TASOR2: variants seen among roughly 807,000 people sequenced by gnomAD.
The protein encoded by TASOR2 is transcription activation suppressor family member 2.
Under a neutral mutation model 199.5 loss-of-function variants are expected in TASOR2, and 84 were observed. The ratio of observed to expected loss-of-function variants is 0.42; its 90% CI spans 0.35 to 0.50. The LOEUF (loss-of-function observed/expected upper bound fraction) is 0.50. TASOR2 is among the 20% of genes least tolerant of loss of function. The pLI, the probability that TASOR2 is intolerant of heterozygous loss-of-function variation, is 0.02. For missense variants in TASOR2, 2,796 were observed against 2,835.9 expected (o/e 0.99, Z 0.32); for synonymous variants, 1,103 against 1,046.6 (o/e 1.05, Z -1.04).
chr10:5,700,702 T>C (rs928574291), intron 1 of TASOR2, among the ~76,000 whole-genome samples: 14 of 152,194 alleles, frequency 9.2e-5, no homozygotes, highest in Non-Finnish European at 1.0e-4. Context: ...GATTTTTTCA[T>C]ACACCTCTTG....
intron 1 of TASOR2, among the ~76,000 whole-genome samples, chr10:5,688,133 G>C (rs1436495286): frequency 1.3e-5 from 2 of 152,178 alleles, no homozygotes; most frequent in African/African-American, 4.8e-5. Context: ...ATTCAGCTGA[G>C]TAGTTAGAAA....
At position 5,722,066 on chromosome 10, in the gene TASOR2, A is replaced by G. The variant is rs10737017; in HGVS notation, c.146+1096A>G. ...TTTTTGTGAAGGAACTTAGTGAGAC[A>G]GTTGGCAGCATTTGAATAAGATGTA... On this transcript the variant is annotated intron_variant, in intron 6 of 20. Coordinates refer to ENST00000328090, the Ensembl canonical transcript of TASOR2. This position sits in a 1 kb window ranked among gnomAD's most constrained non-coding sequence, Gnocchi z 4.0. Among the ~76,000 whole-genome samples the G allele has an allele frequency of 0.97, 147,881 of 152,152 alleles. 71,863 individuals are homozygous for G. Among genetic ancestry groups the G allele is most frequent in the East Asian group, 1 (5,190 of 5,190 alleles).
At position 5,742,210 on chromosome 10, in the gene TASOR2, T is replaced by C. The variant is rs1836534992; in HGVS notation, c.2441T>C (p.Val814Ala). 1 of 1,614,146 alleles carries C rather than the reference T, an allele frequency of 6.2e-7. No homozygotes were observed. ...AAAATCATACGATCTTCCCGAAAGGTTGTAGAACACAGCAACCCAGCAAAA... is the reference window on the plus strand; with the variant it reads ...AAAATCATACGATCTTCCCGAAAGGCTGTAGAACACAGCAACCCAGCAAAA... The change falls in exon 14 of 21, where the codon GTT (valine) becomes GCT (alanine). Residue 814 changes from valine (V) to alanine (A), a missense_variant. Val to Ala is a moderately conservative substitution (Grantham distance 64, BLOSUM62 0). Transcript: ENST00000328090. The surrounding 1 kb of genome is among the most constrained non-coding windows in gnomAD (Gnocchi z 4.2).
At chr10:5,725,263 C>T (rs1564300392) in intron 8 of TASOR2, among the ~76,000 whole-genome samples, 3 of 151,678 alleles carry the variant, frequency 2.0e-5, no homozygotes, top group Admixed American at 2.0e-4. Flanking sequence ...TGGTGATGGG[C>T]GCCTGTAGTC....
chr10:5,703,415 C>T (rs1212415773), intron 1 of TASOR2, among the ~76,000 whole-genome samples: 1 of 151,702 alleles, frequency 6.6e-6, no homozygotes, highest in African/African-American at 2.4e-5. Flanking sequence ...TCTAATGTTA[C>T]ACCTTCCTTC....
intron 1 of TASOR2, among the ~76,000 whole-genome samples, chr10:5,711,349 A>G (rs528431880): frequency 5.0e-4 from 76 of 152,178 alleles, no homozygotes; most frequent in African/African-American, 1.8e-3. Flanking sequence ...TTAATTTTTG[A>G]ACTTTAATAC....
At chr10:5,758,448 G>C (rs770619676) in intron 17 of TASOR2, among the ~76,000 whole-genome samples, 2 of 152,108 alleles carry the variant, frequency 1.3e-5, no homozygotes, top group Non-Finnish European at 2.9e-5. Context: ...TAAGGATGGA[G>C]GATTACTTGA....
At chr10:5,759,050 CTCA>C in intron 18 of TASOR2, 58 bp downstream of exon 19, 1 of 1,244,046 alleles carries the variant, frequency 8.0e-7, no homozygotes, top group Non-Finnish European at 1.2e-6. Flanking sequence ...AGAGAAACGC[CTCA>C]TGTTCCATGG....
At chr10:5,732,985 G>T (rs1835041874) in intron 11 of TASOR2, among the ~76,000 whole-genome samples, 1 of 152,194 alleles carries the variant, frequency 6.6e-6, no homozygotes, top group Non-Finnish European at 1.5e-5. Context: ...CTGTAAAACA[G>T]ATTCCAGGCC....
exon 21 of TASOR2, chr10:5,763,045 C>G: frequency 6.2e-7 from 1 of 1,611,838 alleles, no homozygotes. Context: ...CAACTACAGC[C>G]TGCCTGGATA....
At chr10:5,757,479 A>G in intron 16 of TASOR2, 41 bp from the exon 18 acceptor site, 1 of 1,561,102 alleles carries the variant, frequency 6.4e-7, no homozygotes, top group Non-Finnish European at 8.6e-7. Context: ...AAATGTGCCC[A>G]GTGAGCCTCT....
intron 20 of TASOR2, 21 bp from the exon 22 acceptor site, chr10:5,763,008 A>G: frequency 2.5e-6 from 4 of 1,609,668 alleles, no homozygotes; most frequent in Non-Finnish European, 2.5e-6. Context: ...GAAGTTCTTT[A>G]TCAATTTTGT....
chr10:5,759,891 G>A (rs541747969), intron 18 of TASOR2, among the ~76,000 whole-genome samples: 6 of 152,340 alleles, frequency 3.9e-5, no homozygotes, highest in East Asian at 3.9e-4. Flanking sequence ...CATTCACAGC[G>A]GACTTCAGTA....
chr10:5,744,269 C>T (rs1166182204), intron 14 of TASOR2, among the ~76,000 whole-genome samples: 1 of 149,590 alleles, frequency 6.7e-6, no homozygotes, highest in African/African-American at 2.5e-5. Flanking sequence ...TCTGTTGTCT[C>T]AGCCCCACAC....
intron 14 of TASOR2, chr10:5,744,030 C>G (rs1836805900): frequency 6.6e-6 from 1 of 152,226 alleles, no homozygotes; most frequent in African/African-American, 2.4e-5. Flanking sequence ...AGCACTCTTT[C>G]TGAATTGTCA....
At chr10:5,763,048 C>G (rs776702262) in exon 21 of TASOR2, 5 of 1,610,972 alleles carry the variant, frequency 3.1e-6, no homozygotes, top group South Asian at 1.1e-5. Flanking sequence ...CTACAGCCTG[C>G]CTGGATATGG....
rs1335367613 is a variant in TASOR2, at chr10:5,738,853, C to T, written c.1448-765C>T. Reference sequence around the variant, plus strand: ...AATACGTTGAAAATACCAAGGGAAACCACTGGCAAATGTAAATGTTCTGAT... The same window carrying T: ...AATACGTTGAAAATACCAAGGGAAATCACTGGCAAATGTAAATGTTCTGAT... On this transcript the variant is annotated intron_variant, in intron 12 of 20. Transcript: ENST00000328090. This position sits in a 1 kb window ranked among gnomAD's most constrained non-coding sequence, Gnocchi z 4.7. Among the ~76,000 whole-genome samples, 1 of 152,116 alleles carries T rather than the reference C, an allele frequency of 6.6e-6. No individual in the cohort carries two copies. The highest frequency in any genetic ancestry group is 2.4e-5 in the African/African-American group (1 of 41,416).
intron 1 of TASOR2, among the ~76,000 whole-genome samples, chr10:5,697,674 G>T (rs1837325526): frequency 6.6e-6 from 1 of 152,068 alleles, no homozygotes; most frequent in South Asian, 2.1e-4. Flanking sequence ...GATTAGATAA[G>T]GAACAAGGCA....
intron 1 of TASOR2, among the ~76,000 whole-genome samples, chr10:5,707,801 A>T (rs879609087): frequency 2.0e-5 from 3 of 151,346 alleles, no homozygotes; most frequent in Admixed American, 2.0e-4. Context: ...GGATAACCTG[A>T]TACCTGAACA....
Sources: allele counts gnomAD v4.1 joint callset (sites outside exome capture counted in the v4.1 genomes callset), GRCh38; gene constraint gnomAD v4.1.1; non-coding constraint Gnocchi (gnomAD v3.1); transcripts MANE v1.5; gene names NCBI Gene and HGNC (gene_info 2026-07-23, HGNC 2026-07-21).